The following DNAH9 variants were observed in gnomAD, a reference collection of about 807,000 sequenced individuals.
DNAH9 encodes the protein DNAH9 variant protein.
Under a neutral mutation model 471.6 loss-of-function variants are expected in DNAH9, and 345 were observed. The ratio of observed to expected loss-of-function variants is 0.73; its 90% CI spans 0.67 to 0.80. The LOEUF is 0.80. Among genes scored for constraint, DNAH9 ranks in the 30% least tolerant of loss-of-function variants. DNAH9 has a pLI of 0.00. For synonymous variants in DNAH9, 2,093 were observed against 2,123.6 expected, an observed-to-expected ratio of 0.99 and a Z score of 0.40; for missense variants, 5,407 against 5,609.2, an observed-to-expected ratio of 0.96 and a Z score of 1.15.
chr17:11,939,887 AATGG>A (rs1329021223), intron 66 of DNAH9, among the ~76,000 whole-genome samples: 1 of 150,290 alleles, frequency 6.7e-6, no homozygotes, highest in African/African-American at 2.5e-5. Flanking sequence ...TTGATGGATG[AATGG>A]ATGGATGGAT....
At chr17:11,856,471 A>AG (rs1238551184) in intron 50 of DNAH9, among the ~76,000 whole-genome samples, 2 of 151,852 alleles carry the variant, frequency 1.3e-5, no homozygotes, top group Non-Finnish European at 2.9e-5. Context: ...AGGTCAAGGC[A>AG]GGAGGATCAT....
intron 35 of DNAH9, among the ~76,000 whole-genome samples, chr17:11,760,261 G>C (rs144432733): frequency 1.3e-5 from 2 of 152,204 alleles, no homozygotes; most frequent in Admixed American, 1.3e-4. Context: ...TTGCATCCCC[G>C]TTCTTTAGGA....
At chr17:11,759,195 A>C (rs1234681805) in intron 35 of DNAH9, among the ~76,000 whole-genome samples, 1 of 151,044 alleles carries the variant, frequency 6.6e-6, no homozygotes, top group East Asian at 1.9e-4. Flanking sequence ...CATAGTGGTG[A>C]AGTCTGGCCC....
chr17:11,827,541 T>C (rs561469321), intron 48 of DNAH9, among the ~76,000 whole-genome samples: 40 of 152,294 alleles, frequency 2.6e-4, no homozygotes, highest in Non-Finnish European at 5.0e-4. Flanking sequence ...TACTAAGCCA[T>C]TCATGAGACA....
chr17:11,954,367 T>C (rs1199326648), intron 67 of DNAH9, among the ~76,000 whole-genome samples: 2 of 151,976 alleles, frequency 1.3e-5, no homozygotes, highest in Admixed American at 6.6e-5. Context: ...AATGAAAACA[T>C]TGTAAATACA....
chr17:11,818,438 AAAAAG>A (rs531730211), intron 45 of DNAH9, among the ~76,000 whole-genome samples: 330 of 148,386 alleles, frequency 2.2e-3, no homozygotes, highest in African/African-American at 8.4e-3. Context: ...TAAAAAAAAA[AAAAAG>A]AAGAGAAAAG....
At chr17:11,664,794 A>G (rs1597452054) in intron 14 of DNAH9, 39 bp from the exon 15 acceptor site, 3 of 1,574,156 alleles carry the variant, frequency 1.9e-6, no homozygotes, top group East Asian at 2.2e-5. Context: ...CTTTCATGCT[A>G]TTAAACGAGG....
chr17:11,608,041 A>G, intron 1 of DNAH9, 88 bp from the exon 2 acceptor site: 1 of 1,040,764 alleles, frequency 9.6e-7, no homozygotes, highest in Non-Finnish European at 1.4e-6. Context: ...GGTTGTATAT[A>G]GCTTTATAAG....
At chr17:11,825,290 A>T (rs866820582) in intron 48 of DNAH9, among the ~76,000 whole-genome samples, 2 of 152,164 alleles carry the variant, frequency 1.3e-5, no homozygotes, top group Non-Finnish European at 2.9e-5. Flanking sequence ...CCAGATTTTT[A>T]AAAACATCTT....
In DNAH9 at chr17:11,888,035, T is replaced by A. The variant is rs560255241; in HGVS notation, c.11112+1070T>A. Among the ~76,000 whole-genome samples, 866 of 151,138 alleles carry A rather than the reference T, an allele frequency of 5.7e-3. 2 individuals carry two copies. Among genetic ancestry groups the A allele is most frequent in the Non-Finnish European group, 9.5e-3 (642 of 67,852 alleles). ...TCTCGCTTTGTTGCCCAGGCTGGAG[T>A]GCAGAGGCGCGATCTCGGCTTACTG... On this transcript the variant is annotated intron_variant, in intron 57 of 68. Coordinates refer to ENST00000262442, the MANE Select transcript of DNAH9 (RefSeq NM_001372.4).
chr17:11,802,918 A>G (rs1215384398), intron 43 of DNAH9, among the ~76,000 whole-genome samples: 1 of 152,174 alleles, frequency 6.6e-6, no homozygotes, highest in African/African-American at 2.4e-5. Context: ...TTATGGACAA[A>G]AACCAAACCA....
At chr17:11,654,430 G>C (rs62060818) in intron 14 of DNAH9, among the ~76,000 whole-genome samples, 47,626 of 140,340 alleles carry the variant, frequency 0.34, 8,906 homozygotes, top group Middle Eastern at 0.45. Context: ...ATCTATTGAT[G>C]TATCACCTAT....
intron 26 of DNAH9, among the ~76,000 whole-genome samples, chr17:11,707,215 C>G (rs2074718593): frequency 6.6e-6 from 1 of 152,166 alleles, no homozygotes; most frequent in Non-Finnish European, 1.5e-5. Context: ...GTCTGAATAA[C>G]TGGTTCACTG....
chr17:11,956,097 A>G (rs759918997), intron 67 of DNAH9, among the ~76,000 whole-genome samples: 33 of 152,192 alleles, frequency 2.2e-4, no homozygotes, highest in Non-Finnish European at 4.1e-4. Context: ...TACCAAAACA[A>G]AGGACAAAAA....
intron 59 of DNAH9, among the ~76,000 whole-genome samples, chr17:11,901,131 G>T (rs573133957): frequency 1.3e-5 from 2 of 152,290 alleles, no homozygotes; most frequent in South Asian, 4.2e-4. Context: ...ATGCTTAGGG[G>T]GTGGGGCCAG....
intron 36 of DNAH9, among the ~76,000 whole-genome samples, chr17:11,764,293 T>C (rs1967840612): frequency 6.6e-6 from 1 of 152,214 alleles, no homozygotes; most frequent in African/African-American, 2.4e-5. Context: ...AAATAAAAGA[T>C]ATTTTATCTA....
chr17:11,769,376 G>A (rs1968106991), intron 38 of DNAH9, 47 bp downstream of exon 38: 1 of 1,527,926 alleles, frequency 6.5e-7, no homozygotes, highest in Admixed American at 1.9e-5. Context: ...GGGTGGCCGT[G>A]TCACCTGACA....
chr17:11,869,074 G>A, intron 50 of DNAH9, 60 bp from the exon 51 acceptor site: 1 of 1,586,752 alleles, frequency 6.3e-7, no homozygotes, highest in Non-Finnish European at 8.6e-7. Context: ...CTCATCTAAT[G>A]AGCACTGGTA....
chr17:11,712,043 T>A (rs377577198), intron 26 of DNAH9, among the ~76,000 whole-genome samples: 1 of 15,488 alleles, frequency 6.5e-5, no homozygotes, highest in African/African-American at 1.3e-4. Context: ...TTTATATATA[T>A]TTATATATAA....
Sources: allele counts gnomAD v4.1 joint callset (sites outside exome capture counted in the v4.1 genomes callset), GRCh38; gene constraint gnomAD v4.1.1; transcripts MANE v1.5; gene names NCBI Gene and HGNC (gene_info 2026-07-23, HGNC 2026-07-21).